PRELID2: variants seen among roughly 807,000 people sequenced by gnomAD.
PRELID2 encodes PRELI domain-containing protein 2.
A neutral mutation model predicts 28.4 loss-of-function variants in PRELID2; 25 were observed. That is an observed-to-expected ratio of 0.88 (90% CI 0.64 to 1.23). The LOEUF is 1.23. Ranked by LOEUF, PRELID2 falls within the 50% of genes most tolerant of loss-of-function variation. The probability of loss-of-function intolerance (pLI) is 0.00; values close to 1 mark genes in which losing one functional copy is unlikely to be tolerated. For synonymous variants in PRELID2, 76 were observed against 71.6 expected (o/e 1.06, Z -0.31); for missense variants, 201 against 214.4 (o/e 0.94, Z 0.39).
intron 1 of PRELID2, among the ~76,000 whole-genome samples, chr5:145,717,677 T>C (rs1406092816): frequency 1.3e-5 from 2 of 150,790 alleles, no homozygotes; most frequent in Non-Finnish European, 3.0e-5. Context: ...ATAAATTAGA[T>C]TTAAAATAAT....
the PRELID2 span, among the ~76,000 whole-genome samples, chr5:145,284,421 G>A: frequency 6.6e-6 from 1 of 152,094 alleles, no homozygotes; most frequent in African/African-American, 2.4e-5. Flanking sequence ...TTTTCTGTAT[G>A]TTAAATTTCA....
At chr5:145,518,168 AATAATAATAATG>A (rs1459675564) in intron 1 of PRELID2, among the ~76,000 whole-genome samples, 31 of 146,556 alleles carry the variant, frequency 2.1e-4, no homozygotes, top group African/African-American at 7.7e-4. Flanking sequence ...TAATAATAAT[AATAATAATAATG>A]ATGTCATGAG....
At chr5:145,415,213 G>A in the PRELID2 span, among the ~76,000 whole-genome samples, 9 of 151,964 alleles carry the variant, frequency 5.9e-5, no homozygotes, top group African/African-American at 1.9e-4. Flanking sequence ...ATCGAACAAC[G>A]TGTTCCTGAA....
At chr5:145,781,621 T>C (rs1481373545) in intron 5 of PRELID2, among the ~76,000 whole-genome samples, 1 of 146,340 alleles carries the variant, frequency 6.8e-6, no homozygotes, top group African/African-American at 2.5e-5. Context: ...ACTATATATA[T>C]ACTATATATA....
chr5:145,229,737 A>G, the PRELID2 span: 1 of 754,126 alleles, frequency 1.3e-6, no homozygotes, highest in African/African-American at 1.7e-5. Flanking sequence ...GGAAGTGCAC[A>G]AAACCAATCA....
chr5:145,824,461 T>A (rs1045021227), intron 1 of PRELID2, among the ~76,000 whole-genome samples: 2 of 143,864 alleles, frequency 1.4e-5, no homozygotes, highest in Non-Finnish European at 3.1e-5. Flanking sequence ...TGTGTGTGTG[T>A]GTGATATTGA....
intron 1 of PRELID2, among the ~76,000 whole-genome samples, chr5:145,526,384 C>T (rs1219275425): frequency 1.3e-5 from 2 of 152,088 alleles, no homozygotes; most frequent in African/African-American, 2.4e-5. Flanking sequence ...GGAGGTCTTT[C>T]CAGAGGAGGT....
chr5:145,822,101 A>T (rs1203713557), intron 2 of PRELID2, among the ~76,000 whole-genome samples: 1 of 152,194 alleles, frequency 6.6e-6, no homozygotes, highest in Non-Finnish European at 1.5e-5. Context: ...AGTCACACAC[A>T]ATGAACAGTA....
chr5:145,353,266 T>A, the PRELID2 span, among the ~76,000 whole-genome samples: 1 of 152,054 alleles, frequency 6.6e-6, no homozygotes, highest in African/African-American at 2.4e-5. Flanking sequence ...GAGACCAGCC[T>A]GGCCAACATA....
intron 1 of PRELID2, among the ~76,000 whole-genome samples, chr5:145,515,458 C>T (rs1433858286): frequency 2.6e-5 from 4 of 152,106 alleles, no homozygotes; most frequent in Non-Finnish European, 4.4e-5. Context: ...AGTCAAATCC[C>T]TGAATAAAAC....
chr5:145,596,685 G>T (rs565291306), intron 1 of PRELID2, among the ~76,000 whole-genome samples: 10 of 152,020 alleles, frequency 6.6e-5, no homozygotes, highest in Non-Finnish European at 8.8e-5. Flanking sequence ...GGACCCCTGC[G>T]CAATCAGAAC....
At chr5:145,751,214 T>G (rs941530364) in intron 1 of PRELID2, among the ~76,000 whole-genome samples, 6 of 152,354 alleles carry the variant, frequency 3.9e-5, no homozygotes, top group African/African-American at 1.2e-4. Flanking sequence ...GAGCTCTATA[T>G]TAACTCAGTA....
chr5:145,762,544 T>TAAAAC (rs1332068157), intron 6 of PRELID2, among the ~76,000 whole-genome samples: 1 of 152,030 alleles, frequency 6.6e-6, no homozygotes, highest in South Asian at 2.1e-4. Flanking sequence ...TGTCTCAAAA[T>TAAAAC]AAAACAAAAC....
chr5:145,513,907 C>T (rs981508005), intron 1 of PRELID2, among the ~76,000 whole-genome samples: 2 of 151,800 alleles, frequency 1.3e-5, no homozygotes, highest in African/African-American at 2.4e-5. Flanking sequence ...GCTTCATAAG[C>T]GAGGGAAAAA....
intron 1 of PRELID2, among the ~76,000 whole-genome samples, chr5:145,666,582 TAG>T (rs1302097452): frequency 6.6e-6 from 1 of 152,070 alleles, no homozygotes; most frequent in Non-Finnish European, 1.5e-5. Flanking sequence ...CACTCACTCA[TAG>T]TACCCTGTGG....
At chr5:145,449,864 TG>T in the PRELID2 span, among the ~76,000 whole-genome samples, 1 of 152,142 alleles carries the variant, frequency 6.6e-6, no homozygotes, top group Non-Finnish European at 1.5e-5. Context: ...AACACATCCC[TG>T]TATCTGCAAT....
intron 5 of PRELID2, among the ~76,000 whole-genome samples, chr5:145,794,373 G>C (rs1031401792): frequency 2.0e-5 from 3 of 152,166 alleles, no homozygotes; most frequent in Non-Finnish European, 4.4e-5. Flanking sequence ...AATCCAAAGG[G>C]AGTAAGACCA....
At position 145,823,093 on chromosome 5, in the gene PRELID2, G is replaced by T; in HGVS notation, c.117C>A (p.Ile39=). ...PMDKNVISVK[I]MEEKRDESTG... ...AGAACTTACCTCTTTTTTCCTCCAT[G>T]ATTTTTACTGAGATGACATTTTTAT... The change falls in exon 2 of 7, where the codon ATC becomes ATA. Residue 39 remains isoleucine, a synonymous_variant. Transcript: ENST00000683046. The T allele has an allele frequency of 6.5e-7, 1 of 1,528,436 alleles. No homozygotes were observed. Among genetic ancestry groups the T allele is most frequent in the Non-Finnish European group, 9.1e-7 (1 of 1,102,896 alleles). 94.7% of individuals were successfully genotyped at this position (1,528,436 alleles called of 1,614,324 possible). A position where few individuals can be genotyped will look rare whatever the true frequency, so the allele number is the denominator to read the frequency against.
At chr5:145,753,484 C>T (rs1757179556), downstream of PRELID2, among the ~76,000 whole-genome samples, 1 of 152,138 alleles carries the variant, frequency 6.6e-6, no homozygotes, top group African/African-American at 2.4e-5. Flanking sequence ...GCACTTTTTT[C>T]TAGGACAGTG....
Sources: gnomAD v4.1 joint callset for allele counts (sites outside exome capture counted in the v4.1 genomes callset) on GRCh38, gnomAD v4.1.1 for gene constraint, MANE v1.5 for transcripts, NCBI Gene and HGNC (gene_info 2026-07-23, HGNC 2026-07-21) for gene names.